The following GTF2H5 variants were observed in gnomAD, a reference collection of about 807,000 sequenced individuals.
The protein encoded by GTF2H5 is TFB5 ortholog.
Under a neutral mutation model 7.1 loss-of-function variants are expected in GTF2H5, and 5 were observed. The ratio of observed to expected loss-of-function variants is 0.71; its 90% CI spans 0.37 to 1.49. The LOEUF (loss-of-function observed/expected upper bound fraction) is 1.49, where lower values mean the gene tolerates loss of function less well. Among genes scored for constraint, GTF2H5 ranks in the 40% most tolerant of loss-of-function variants. The pLI is 0.03. For synonymous variants in GTF2H5, 30 were observed against 31.7 expected, an observed-to-expected ratio of 0.95 and a Z score of 0.18; for missense variants, 80 against 83.0, an observed-to-expected ratio of 0.96 and a Z score of 0.14.
chr6:158,194,572 C>T lies in GTF2H5; in HGVS notation c.*2415C>T, dbSNP rs1254622017. 1 of 152,214 alleles carries T rather than the reference C, an allele frequency of 6.6e-6. No individual in the cohort carries two copies. The highest frequency in any genetic ancestry group is 1.9e-4 in the East Asian group (1 of 5,202). 9.4% of individuals were successfully genotyped at this position (152,214 alleles called of 1,614,324 possible). A position where few individuals can be genotyped will look rare whatever the true frequency, so the allele number is the denominator to read the frequency against. On this transcript the variant is annotated 3_prime_UTR_variant, in exon 3 of 3. Transcript: ENST00000607778. ...TATGGTGTATCTCTTGAGCGAAATC[C>T]TGGGAACTTCGTACATTGCTTGCTT...
rs549657241 is a variant in GTF2H5 at position 158,193,094 on chromosome 6, T to G, written c.*937T>G. Reference sequence around the variant, plus strand: ...GCTCACACCTGTAATCCCAGCACTTTGGGAGGCTGAGGCAGGCAGATCGCT... The same window carrying G: ...GCTCACACCTGTAATCCCAGCACTTGGGGAGGCTGAGGCAGGCAGATCGCT... On this transcript the variant is annotated 3_prime_UTR_variant, in exon 3 of 3. Transcript: ENST00000607778. 1.3e-5 allele frequency: 2 copies of G among 151,008 alleles called. No individual in the cohort carries two copies. Among genetic ancestry groups the G allele is most frequent in the South Asian group, 4.2e-4 (2 of 4,756 alleles). The allele number at this position is 151,008 out of a possible 1,614,324, so 9.4% of individuals were successfully genotyped here.
At chr6:158,185,813 C>G (rs886086293) in intron 2 of GTF2H5, among the ~76,000 whole-genome samples, 5 of 151,712 alleles carry the variant, frequency 3.3e-5, no homozygotes, top group African/African-American at 9.7e-5. Flanking sequence ...TTCGACATAA[C>G]AGAACCCTAT....
chr6:158,178,792 G>A (rs1785967933), intron 2 of GTF2H5, among the ~76,000 whole-genome samples: 1 of 152,178 alleles, frequency 6.6e-6, no homozygotes, highest in Admixed American at 6.5e-5. Flanking sequence ...CTCCCATTCT[G>A]TAGGTTGCCT....
rs1016795703 is a variant in GTF2H5, at chr6:158,168,384, C to T, written c.-46C>T. ...CGGCAACGCCGAGGCGCTTCTGCAT[C>T]TGTGGGCCGAGGTGTGTGGCGAGCG... On this transcript the variant is annotated 5_prime_UTR_variant, in exon 1 of 3. Coordinates refer to ENST00000607778, the MANE Select transcript of GTF2H5 (RefSeq NM_207118.3). The T allele has an allele frequency of 1.3e-5, 2 of 152,386 alleles. No homozygotes were observed. Among genetic ancestry groups the T allele is most frequent in the Non-Finnish European group, 2.9e-5 (2 of 68,178 alleles). 9.4% of individuals were successfully genotyped at this position (152,386 alleles called of 1,614,324 possible). A position where few individuals can be genotyped will look rare whatever the true frequency, so the allele number is the denominator to read the frequency against.
At chr6:158,170,943 A>G (rs1234175816) in intron 2 of GTF2H5, among the ~76,000 whole-genome samples, 1 of 152,232 alleles carries the variant, frequency 6.6e-6, no homozygotes, top group Non-Finnish European at 1.5e-5. Flanking sequence ...CAGAGGAGAA[A>G]CTAAAAACCA....
At chr6:158,171,154 A>G (rs1001629162) in intron 2 of GTF2H5, among the ~76,000 whole-genome samples, 10 of 152,338 alleles carry the variant, frequency 6.6e-5, no homozygotes, top group African/African-American at 2.4e-4. Context: ...GACACTGCCA[A>G]CATTTAGAAC....
rs1322125441 is a variant in GTF2H5 at position 158,196,358 on chromosome 6, T to C, written c.*4201T>C. The C allele has an allele frequency of 6.6e-6, 1 of 152,186 alleles. No homozygotes were observed. Among genetic ancestry groups the C allele is most frequent in the Non-Finnish European group, 1.5e-5 (1 of 68,034 alleles). 9.4% of individuals were successfully genotyped at this position (152,186 alleles called of 1,614,324 possible). ...GTCCAAGTGTCAGATCTCTGCTTAC[T>C]AGCTCTGGGATCTCAGATGTTTCGT... On this transcript the variant is annotated 3_prime_UTR_variant, in exon 3 of 3. Coordinates refer to ENST00000607778, the MANE Select transcript of GTF2H5 (RefSeq NM_207118.3).
chr6:158,179,473 C>T (rs1785978592), intron 2 of GTF2H5, among the ~76,000 whole-genome samples: 1 of 152,146 alleles, frequency 6.6e-6, no homozygotes, highest in Non-Finnish European at 1.5e-5. Context: ...TCTTCCTATC[C>T]ACGAGCATGG....
chr6:158,178,550 G>T (rs1441110019), intron 2 of GTF2H5, among the ~76,000 whole-genome samples: 1 of 151,762 alleles, frequency 6.6e-6, no homozygotes, highest in Non-Finnish European at 1.5e-5. Flanking sequence ...ATTCTAACTG[G>T]TGTGAGATGG....
chr6:158,191,704 G>A (rs1005924166), intron 2 of GTF2H5, among the ~76,000 whole-genome samples: 1 of 152,064 alleles, frequency 6.6e-6, no homozygotes, highest in East Asian at 1.9e-4. Flanking sequence ...GGATGGTCTC[G>A]ATCTCCTGAC....
At chr6:158,187,371 C>T (rs1251778103) in intron 2 of GTF2H5, among the ~76,000 whole-genome samples, 1 of 152,070 alleles carries the variant, frequency 6.6e-6, no homozygotes, top group Non-Finnish European at 1.5e-5. Flanking sequence ...AATGGAGAGT[C>T]TCTACAGAGT....
chr6:158,185,595 G>A (rs1776906273), intron 2 of GTF2H5, among the ~76,000 whole-genome samples: 2 of 151,422 alleles, frequency 1.3e-5, no homozygotes, highest in Admixed American at 6.6e-5. Context: ...TTATTTCAGT[G>A]TTCACTGGCC....
intron 2 of GTF2H5, among the ~76,000 whole-genome samples, chr6:158,183,334 G>A (rs1583634495): frequency 6.6e-6 from 1 of 152,160 alleles, no homozygotes; most frequent in African/African-American, 2.4e-5. Context: ...GCTACATGGG[G>A]GTCAGGGACC....
Position 158,192,826 on chromosome 6 carries a change from G to T in GTF2H5, c.*669G>T, listed in dbSNP as rs1415970382. On this transcript the variant is annotated 3_prime_UTR_variant, in exon 3 of 3. Transcript: ENST00000607778. ...CAGCTTAGGGAGGCTGAGGTGGGAG[G>T]ATTGCTTGAGCCCAGGAGTCCGAGG... is the stretch of plus-strand genomic sequence containing the variant. The T allele has an allele frequency of 7.1e-5, 10 of 141,074 alleles. 1 individual carries two copies. Among genetic ancestry groups the T allele is most frequent in the African/African-American group, 2.1e-4 (8 of 37,332 alleles). The allele number at this position is 141,074 out of a possible 1,614,324, so 8.7% of individuals were successfully genotyped here.
chr6:158,186,923 C>T (rs543893054), intron 2 of GTF2H5, among the ~76,000 whole-genome samples: 113 of 152,298 alleles, frequency 7.4e-4, no homozygotes, highest in African/African-American at 5.5e-4. Flanking sequence ...GGTTTTATCA[C>T]GCAGATGAAG....
chr6:158,171,823 G>C (rs1477064967), intron 2 of GTF2H5, among the ~76,000 whole-genome samples: 3 of 152,202 alleles, frequency 2.0e-5, no homozygotes. Context: ...AATGTACGTT[G>C]ATGAGAGTAA....
chr6:158,187,285 C>T (rs1179465352), intron 2 of GTF2H5, among the ~76,000 whole-genome samples: 1 of 151,970 alleles, frequency 6.6e-6, no homozygotes, highest in Middle Eastern at 3.4e-3. Flanking sequence ...TGTGAGCCAC[C>T]GCACCTGGCC....
intron 1 of GTF2H5, among the ~76,000 whole-genome samples, chr6:158,169,397 T>TATTGTATATATTATATATAA (rs1379960506): frequency 1.3e-5 from 1 of 77,638 alleles, no homozygotes; most frequent in African/African-American, 5.3e-5. Flanking sequence ...ATATATAATA[T>TATTGTATATATTATATATAA]TATATTGTAT....
chr6:158,191,617 G>A (rs937903339), intron 2 of GTF2H5, among the ~76,000 whole-genome samples: 1 of 151,902 alleles, frequency 6.6e-6, no homozygotes, highest in African/African-American at 2.4e-5. Context: ...CAAGTAGCTG[G>A]GACTACAGGC....
Sources: allele counts gnomAD v4.1 joint callset (sites outside exome capture counted in the v4.1 genomes callset), GRCh38; gene constraint gnomAD v4.1.1; transcripts MANE v1.5; gene names NCBI Gene and HGNC (gene_info 2026-07-23, HGNC 2026-07-21).